The following CD96 variants were observed in gnomAD, a reference collection of about 807,000 sequenced individuals.
The protein encoded by CD96 is CD96 molecule, also known as T-cell surface protein tactile.
Under a neutral mutation model 71.3 loss-of-function variants are expected in CD96, and 70 were observed. The observed-to-expected ratio is 0.98, with a 90% CI of 0.81 to 1.20. The LOEUF is 1.20. CD96 is among the 50% of genes most tolerant of loss of function. The pLI, the probability that CD96 is intolerant of heterozygous loss-of-function variation, is 0.00. For synonymous variants in CD96, 248 were observed against 233.0 expected, an observed-to-expected ratio of 1.06 and a Z score of -0.59; for missense variants, 742 against 677.5, an observed-to-expected ratio of 1.10 and a Z score of -1.06.
intron 2 of CD96, among the ~76,000 whole-genome samples, chr3:111,556,301 C>T (rs58315974): frequency 6.8e-6 from 1 of 146,540 alleles, no homozygotes; most frequent in African/African-American, 2.5e-5. Flanking sequence ...TGCGCCGCAC[C>T]CACTAACTCG....
At chr3:111,617,493 C>T (rs1178646582) in intron 8 of CD96, among the ~76,000 whole-genome samples, 1 of 152,228 alleles carries the variant, frequency 6.6e-6, no homozygotes, top group Non-Finnish European at 1.5e-5. Flanking sequence ...GAAGTCAAGA[C>T]TACCAGCTGT....
intron 2 of CD96, among the ~76,000 whole-genome samples, chr3:111,547,700 A>C (rs950029413): frequency 6.6e-6 from 1 of 152,198 alleles, no homozygotes; most frequent in Non-Finnish European, 1.5e-5. Flanking sequence ...CAGAAACCGT[A>C]TCTATACTTT....
intron 8 of CD96, 172 bp downstream of exon 8, chr3:111,606,964 T>G (rs550270456): frequency 8.3e-5 from 56 of 670,744 alleles, no homozygotes; most frequent in Non-Finnish European, 1.4e-4. Flanking sequence ...TCACATTAAC[T>G]TGCCCATTTA....
intron 12 of CD96, among the ~76,000 whole-genome samples, chr3:111,644,939 A>G (rs763781938): frequency 5.1e-4 from 77 of 152,320 alleles, no homozygotes; most frequent in Non-Finnish European, 1.0e-3. Context: ...CAGCCACTAT[A>G]GAAAACAGTG....
At chr3:111,601,234 A>C (rs1381043059) in intron 7 of CD96, among the ~76,000 whole-genome samples, 1 of 152,204 alleles carries the variant, frequency 6.6e-6, no homozygotes, top group Admixed American at 6.5e-5. Flanking sequence ...ATTGAAAATT[A>C]ATACTAATAC....
At position 111,545,356 on chromosome 3, in the gene CD96, A is replaced by G. The variant is rs1324223997; in HGVS notation, c.372A>G (p.Pro124=). ...ACGAGTGTATGCTTGTTCTGTATCC[A>G]GAGGGCATTCAGACTAAAATCTACA... The part of the protein sequence containing the change: ...GRYECMLVLY[P]EGIQTKIYNL... Residue 124 remains proline, a synonymous_variant, in exon 2 of 14, where the codon CCA becomes CCG. Transcript: ENST00000352690. 1 of 1,613,758 alleles carries G rather than the reference A, an allele frequency of 6.2e-7. No homozygotes were observed. The highest frequency in any genetic ancestry group is 1.3e-5 in the African/African-American group (1 of 75,058).
chr3:111,640,356 CAGTGAT>C (rs1462084556), intron 12 of CD96, among the ~76,000 whole-genome samples: 2 of 152,100 alleles, frequency 1.3e-5, no homozygotes, highest in Non-Finnish European at 2.9e-5. Context: ...TCAAAAGTCT[CAGTGAT>C]AGAATTGAAC....
chr3:111,619,624 A>G (rs1459972582), intron 8 of CD96, among the ~76,000 whole-genome samples: 1 of 152,220 alleles, frequency 6.6e-6, no homozygotes, highest in Non-Finnish European at 1.5e-5. Flanking sequence ...CTATGTTGTG[A>G]AATATAAACT....
chr3:111,573,984 A>G (rs1036516895), intron 3 of CD96, among the ~76,000 whole-genome samples: 1 of 152,198 alleles, frequency 6.6e-6, no homozygotes, highest in African/African-American at 2.4e-5. Flanking sequence ...GCTCTAGAAA[A>G]TGGATGTGGG....
chr3:111,554,616 T>C (rs1934893816), intron 2 of CD96, among the ~76,000 whole-genome samples: 1 of 152,170 alleles, frequency 6.6e-6, no homozygotes, highest in African/African-American at 2.4e-5. Flanking sequence ...ATAATATATG[T>C]ATTAAACTCA....
At chr3:111,576,657 C>G (rs1936234373) in intron 3 of CD96, among the ~76,000 whole-genome samples, 1 of 152,092 alleles carries the variant, frequency 6.6e-6, no homozygotes, top group African/African-American at 2.4e-5. Context: ...TTTTTAACCT[C>G]AATTTATTCT....
chr3:111,587,380 G>C (rs1414105170), intron 5 of CD96, among the ~76,000 whole-genome samples: 1 of 151,890 alleles, frequency 6.6e-6, no homozygotes, highest in Non-Finnish European at 1.5e-5. Flanking sequence ...TCACATCTCT[G>C]CTAGGTGGTG....
At chr3:111,568,740 A>C (rs778734906) in intron 3 of CD96, among the ~76,000 whole-genome samples, 21 of 152,352 alleles carry the variant, frequency 1.4e-4, no homozygotes, top group Non-Finnish European at 2.6e-4. Flanking sequence ...ACACGTAAAC[A>C]AAATCAACAT....
At chr3:111,631,764 T>C (rs185874775) in intron 10 of CD96, among the ~76,000 whole-genome samples, 3 of 152,312 alleles carry the variant, frequency 2.0e-5, no homozygotes, top group Non-Finnish European at 4.4e-5. Context: ...AGCATTGTAC[T>C]GGTACAAGAA....
rs1419174927 is a variant in CD96 at position 111,650,499 on chromosome 3, G to A, written c.*693G>A. 2 of 152,504 alleles carry A rather than the reference G, an allele frequency of 1.3e-5. No homozygotes were observed. The highest frequency in any genetic ancestry group is 1.3e-4 in the Admixed American group (2 of 15,342). 9.4% of individuals were successfully genotyped at this position (152,504 alleles called of 1,614,324 possible). A position where few individuals can be genotyped will look rare whatever the true frequency, so the allele number is the denominator to read the frequency against. ...GCCTAGAAGATACAAAACTCCACTGGCCTCTAAAATTATATTAGCCAAGAG... is the reference window on the plus strand; with the variant it reads ...GCCTAGAAGATACAAAACTCCACTGACCTCTAAAATTATATTAGCCAAGAG... On this transcript the variant is annotated 3_prime_UTR_variant, in exon 14 of 14. Coordinates refer to ENST00000352690, the MANE Select transcript of CD96 (RefSeq NM_005816.5).
At chr3:111,566,160 G>A (rs1347509504) in intron 2 of CD96, among the ~76,000 whole-genome samples, 2 of 150,928 alleles carry the variant, frequency 1.3e-5, no homozygotes, top group Non-Finnish European at 3.0e-5. Flanking sequence ...CTGTATAAAA[G>A]TTATACCGTT....
At chr3:111,576,102 C>A (rs1006291781) in intron 3 of CD96, among the ~76,000 whole-genome samples, 1 of 152,074 alleles carries the variant, frequency 6.6e-6, no homozygotes, top group African/African-American at 2.4e-5. Flanking sequence ...GTAAGTATAT[C>A]ATATATGTTA....
At chr3:111,661,359 A>C (rs1202652259) in intron 14 of CD96, among the ~76,000 whole-genome samples, 1 of 152,194 alleles carries the variant, frequency 6.6e-6, no homozygotes, top group Non-Finnish European at 1.5e-5. Context: ...TCCTTCCCAA[A>C]TATCATGTCC....
chr3:111,661,442 A>C lies in CD96; in HGVS notation c.*53-4085A>C, dbSNP rs115220379. 7.5e-3 allele frequency among the ~76,000 whole-genome samples: 1,136 copies of C among 152,362 alleles called. 17 individuals carry two copies. Among genetic ancestry groups the C allele is most frequent in the African/African-American group, 0.026 (1,092 of 41,590 alleles). On this transcript the variant is annotated intron_variant and NMD_transcript_variant, in intron 14 of 14. Coordinates refer to the CD96 transcript ENST00000494798. ...GTCTTAACTCATTCCAACATTAAGT[A>C]AAAAGTCCAAGTCCAAAGTCTCATC...
Sources: gnomAD v4.1 joint callset for allele counts (sites outside exome capture counted in the v4.1 genomes callset) on GRCh38, gnomAD v4.1.1 for gene constraint, MANE v1.5 for transcripts, NCBI Gene and HGNC (gene_info 2026-07-23, HGNC 2026-07-21) for gene names.